The following NEBL variants were observed in gnomAD, a reference collection of about 807,000 sequenced individuals.
NEBL encodes the protein LIM and SH3 protein 2.
NEBL carries 122 observed loss-of-function variants against 140.2 expected under a neutral mutation model. The observed-to-expected ratio is 0.87, with a 90% CI of 0.75 to 1.01. The LOEUF (loss-of-function observed/expected upper bound fraction) is 1.01, where lower values mean the gene tolerates loss of function less well. NEBL is among the 50% of genes least tolerant of loss of function. The pLI, the probability that NEBL is intolerant of heterozygous loss-of-function variation, is 0.00. For synonymous variants in NEBL, 436 were observed against 398.9 expected, an observed-to-expected ratio of 1.09 and a Z score of -1.11; for missense variants, 1,365 against 1,231.3, an observed-to-expected ratio of 1.11 and a Z score of -1.62.
chr10:21,279,290 T>TG lies in NEBL; in HGVS notation n.182+13539_182+13540insC, dbSNP rs1842962473. On this transcript the variant is annotated intron_variant and non_coding_transcript_variant, in intron 1 of 8. Transcript: ENST00000675702. ...AATAGCCATCTTTTTATTTTTTCAA[T>TG]TTTTTTTTTTTTTTTTTTTAGACAG... Among the ~76,000 whole-genome samples, 4 of 4,962 alleles carry TG rather than the reference T, an allele frequency of 8.1e-4. No homozygotes were observed. In the African/African-American group the frequency reaches 0.012, roughly 15 times the overall value. The allele number at this position is 4,962 out of a possible 152,430, so 3.3% of individuals were successfully genotyped here.
intron 2 of NEBL, among the ~76,000 whole-genome samples, chr10:21,104,039 C>G (rs1475080230): frequency 6.6e-6 from 1 of 152,104 alleles, no homozygotes; most frequent in Non-Finnish European, 1.5e-5. Flanking sequence ...TTCCTGCACC[C>G]CTTGTTGAAA....
At position 21,186,960 on chromosome 10, in the gene NEBL, A is replaced by G. The variant is rs2132212372; in HGVS notation, n.349-14483T>C. ...GGTTGGTTGAATCTACAGATTCAGA[A>G]CCCACAGATACAGAGGGCCAACTCT... On this transcript the variant is annotated intron_variant and non_coding_transcript_variant, in intron 3 of 8. Transcript: ENST00000675702. Among the ~76,000 whole-genome samples the G allele has an allele frequency of 2.0e-5, 3 of 150,630 alleles. No individual in the cohort carries two copies. The East Asian group carries it at 5.9e-4, about 29-fold the overall frequency.
chr10:21,227,123 C>CT (rs376192732), intron 3 of NEBL, among the ~76,000 whole-genome samples: 1 of 151,870 alleles, frequency 6.6e-6, no homozygotes, highest in South Asian at 2.1e-4. Flanking sequence ...TAGATTTAAG[C>CT]TTTTTTCCCC....
intron 11 of NEBL, among the ~76,000 whole-genome samples, chr10:20,846,030 G>T (rs770022316): frequency 6.6e-6 from 1 of 152,120 alleles, no homozygotes; most frequent in Non-Finnish European, 1.5e-5. Context: ...AATGAAAGGT[G>T]GATGCGACGG....
At chr10:20,811,269 G>T (rs1419117123) in intron 24 of NEBL, among the ~76,000 whole-genome samples, 1 of 152,114 alleles carries the variant, frequency 6.6e-6, no homozygotes, top group Non-Finnish European at 1.5e-5. Flanking sequence ...AATTCTGAGA[G>T]CCCACGGTCT....
chr10:20,806,876 A>G (rs146154731), intron 26 of NEBL, among the ~76,000 whole-genome samples: 108 of 152,346 alleles, frequency 7.1e-4, no homozygotes, highest in Middle Eastern at 3.4e-3. Context: ...CATCAATTCC[A>G]GTATGCTGAA....
At chr10:20,890,099 G>A (rs1484762670) in intron 2 of NEBL, 150 bp from the exon 3 acceptor site, 8 of 610,920 alleles carry the variant, frequency 1.3e-5, no homozygotes, top group Admixed American at 2.9e-5. Context: ...TTAAATAAAC[G>A]GCTATCCAGC....
intron 2 of NEBL, among the ~76,000 whole-genome samples, chr10:21,088,060 C>G (rs1338001409): frequency 1.3e-5 from 2 of 152,228 alleles, no homozygotes; most frequent in Non-Finnish European, 2.9e-5. Context: ...CTTCCCCTGA[C>G]AGTGTTTCCC....
intron 1 of NEBL, among the ~76,000 whole-genome samples, chr10:21,278,110 C>G (rs1388061198): frequency 6.6e-6 from 1 of 152,198 alleles, no homozygotes; most frequent in East Asian, 1.9e-4. Context: ...TTCTGGTTGA[C>G]TGAACCAGAA....
rs531644107 is a variant in NEBL, at chr10:21,122,137, T to C, written c.164+50246A>G. On this transcript the variant is annotated intron_variant, in intron 2 of 6. Transcript: ENST00000417816. The stretch of plus-strand genomic sequence containing the variant: ...ACCTCCCAGGTTCAAGCAATTATCC[T>C]GCCTCAGCCTGCCAAGTAGCTGGGA... Among the ~76,000 whole-genome samples the C allele has an allele frequency of 4.6e-5, 7 of 152,180 alleles. No homozygotes were observed. The South Asian group carries it at 1.5e-3, about 32-fold the overall frequency.
chr10:21,064,919 A>C (rs4748747), intron 2 of NEBL, among the ~76,000 whole-genome samples: 89,531 of 151,818 alleles, frequency 0.59, 27,942 homozygotes, highest in South Asian at 0.72. Flanking sequence ...AAAAAAAAAT[A>C]TTTAAGAATG....
At chr10:20,987,920 C>A (rs1201090613) in intron 3 of NEBL, among the ~76,000 whole-genome samples, 1 of 152,214 alleles carries the variant, frequency 6.6e-6, no homozygotes, top group African/African-American at 2.4e-5. Flanking sequence ...ATTTCTTTCA[C>A]ATGAAACTTA....
intron 3 of NEBL, among the ~76,000 whole-genome samples, chr10:21,226,760 T>C (rs1589337200): frequency 6.6e-6 from 1 of 152,214 alleles, no homozygotes; most frequent in East Asian, 1.9e-4. Context: ...GGGAGAAAAG[T>C]GTATCAGCAA....
rs1838259754 is a variant in NEBL at position 21,009,624 on chromosome 10, T to C, written c.249+10493A>G. Among the ~76,000 whole-genome samples the C allele has an allele frequency of 1.3e-5, 2 of 152,196 alleles. 1 individual carries two copies. The highest frequency in any genetic ancestry group is 4.8e-5 in the African/African-American group (2 of 41,448). ...ACTCCATTTTACAAAGCACAACCCA[T>C]ATTTTGGAAGCCCAAGTATCTCATT... On this transcript the variant is annotated intron_variant, in intron 3 of 6. Coordinates refer to the NEBL transcript ENST00000417816.
chr10:21,170,642 A>G (rs2132180903), intron 2 of NEBL: 1 of 152,700 alleles, frequency 6.5e-6, no homozygotes, highest in African/African-American at 2.4e-5. Flanking sequence ...ATATCTGTGG[A>G]CTTCCCCTCT....
At chr10:20,824,342 G>A (rs570037911) in intron 18 of NEBL, among the ~76,000 whole-genome samples, 105 of 152,256 alleles carry the variant, frequency 6.9e-4, no homozygotes, top group African/African-American at 2.4e-3. Flanking sequence ...TAAAGAAACA[G>A]TACCTAAATA....
intron 2 of NEBL, among the ~76,000 whole-genome samples, chr10:21,136,998 G>T (rs1839384536): frequency 3.3e-5 from 5 of 152,074 alleles, no homozygotes; most frequent in African/African-American, 9.7e-5. Context: ...TCCCTGACTG[G>T]CATAGCATTT....
intron 3 of NEBL, among the ~76,000 whole-genome samples, chr10:21,181,318 C>G (rs1007738926): frequency 1.3e-5 from 2 of 149,584 alleles, no homozygotes; most frequent in Non-Finnish European, 3.0e-5. Context: ...GCACGTATCC[C>G]GGAGCCTAAA....
intron 3 of NEBL, among the ~76,000 whole-genome samples, chr10:21,005,372 C>G (rs895331418): frequency 6.6e-6 from 1 of 152,180 alleles, no homozygotes; most frequent in Admixed American, 6.5e-5. Flanking sequence ...AATGGTAAAG[C>G]CTCAGTGTTA....
Sources: gnomAD v4.1 joint callset for allele counts (sites outside exome capture counted in the v4.1 genomes callset) on GRCh38, gnomAD v4.1.1 for gene constraint, MANE v1.5 for transcripts, NCBI Gene and HGNC (gene_info 2026-07-23, HGNC 2026-07-21) for gene names.